Variants in MARCHF3 observed in about 807,000 individuals in gnomAD.
MARCHF3 encodes E3 ubiquitin-protein ligase MARCHF3.
A neutral mutation model predicts 24.2 loss-of-function variants in MARCHF3; 13 were observed. The ratio of observed to expected loss-of-function variants is 0.54; its 90% CI spans 0.35 to 0.85. The LOEUF is 0.85. Among genes scored for constraint, MARCHF3 ranks in the 40% least tolerant of loss-of-function variants. The pLI is 0.01. For missense variants in MARCHF3, 276 were observed against 325.0 expected (o/e 0.85, Z 1.16); for synonymous variants, 144 against 137.3 (o/e 1.05, Z -0.34).
In MARCHF3 at chr5:126,868,956, T is replaced by C. The variant is rs954695632; in HGVS notation, c.*1677A>G. 6.6e-6 allele frequency: 1 copy of C among 152,312 alleles called. No individual in the cohort carries two copies. Among genetic ancestry groups the C allele is most frequent in the African/African-American group, 2.4e-5 (1 of 41,462 alleles). 9.4% of individuals were successfully genotyped at this position (152,312 alleles called of 1,614,324 possible). ...TAAACAGAAGGGCTGAGACATATATTACTGGAATTGAAGTGTCCCAGTGAA... is the reference window on the plus strand; with the variant it reads ...TAAACAGAAGGGCTGAGACATATATCACTGGAATTGAAGTGTCCCAGTGAA... On this transcript the variant is annotated 3_prime_UTR_variant, in exon 5 of 5. Transcript: ENST00000308660.
At chr5:126,997,292 G>T (rs984024732) in intron 1 of MARCHF3, among the ~76,000 whole-genome samples, 2 of 152,200 alleles carry the variant, frequency 1.3e-5, no homozygotes, top group African/African-American at 4.8e-5. Context: ...GATATGATGT[G>T]AATGCATGGG....
At chr5:126,894,623 T>C (rs1365433355) in intron 3 of MARCHF3, among the ~76,000 whole-genome samples, 5 of 152,018 alleles carry the variant, frequency 3.3e-5, no homozygotes, top group African/African-American at 1.2e-4. Context: ...GCCCCCACTC[T>C]CTTCTGGCTT....
chr5:126,893,095 C>G (rs1753753818), intron 3 of MARCHF3, among the ~76,000 whole-genome samples: 1 of 151,890 alleles, frequency 6.6e-6, no homozygotes, highest in African/African-American at 2.4e-5. Flanking sequence ...TTGTAGTATT[C>G]TCTGATGGTA....
chr5:126,886,151 G>A (rs1327045326), intron 3 of MARCHF3, among the ~76,000 whole-genome samples: 1 of 152,068 alleles, frequency 6.6e-6, no homozygotes, highest in Non-Finnish European at 1.5e-5. Context: ...TACTGAATTT[G>A]GAACACCAGG....
chr5:126,965,789 TA>T (rs1246158520), intron 1 of MARCHF3, among the ~76,000 whole-genome samples: 1 of 152,196 alleles, frequency 6.6e-6, no homozygotes, highest in African/African-American at 2.4e-5. Flanking sequence ...AGTGGAAGTA[TA>T]AAATGGTGCA....
chr5:126,922,552 A>ATTTATTTATTTATTAT (rs369285219), intron 1 of MARCHF3, among the ~76,000 whole-genome samples: 1 of 111,042 alleles, frequency 9.0e-6, no homozygotes, highest in East Asian at 3.0e-4. Context: ...TTATTTATTT[A>ATTTATTTATTTATTAT]TTATTTATTT....
intron 1 of MARCHF3, among the ~76,000 whole-genome samples, chr5:126,947,871 G>A (rs531615767): frequency 2.0e-5 from 3 of 151,676 alleles, no homozygotes; most frequent in South Asian, 2.1e-4. Flanking sequence ...TGCCTCCCAC[G>A]TGGGTTTGGG....
chr5:126,957,471 AT>A (rs1340572536), intron 1 of MARCHF3, among the ~76,000 whole-genome samples: 4 of 152,114 alleles, frequency 2.6e-5, no homozygotes, highest in Non-Finnish European at 5.9e-5. Flanking sequence ...TAGCTTTATG[AT>A]TTCATAAAAC....
At chr5:126,959,053 C>T (rs1368355385) in intron 1 of MARCHF3, among the ~76,000 whole-genome samples, 4 of 152,124 alleles carry the variant, frequency 2.6e-5, no homozygotes, top group Non-Finnish European at 5.9e-5. Context: ...TGGACACTGA[C>T]CAACACTGAC....
intron 1 of MARCHF3, among the ~76,000 whole-genome samples, chr5:126,941,981 A>G (rs570314338): frequency 6.6e-6 from 1 of 152,324 alleles, no homozygotes; most frequent in South Asian, 2.1e-4. Context: ...CAAGGTTGCA[A>G]TCTTCCTGCT....
intron 1 of MARCHF3, among the ~76,000 whole-genome samples, chr5:126,981,063 T>C (rs928977734): frequency 1.3e-5 from 2 of 152,348 alleles, no homozygotes; most frequent in Non-Finnish European, 1.5e-5. Flanking sequence ...ACTTCAGCTT[T>C]CTTCAAACTG....
intron 1 of MARCHF3, among the ~76,000 whole-genome samples, chr5:126,987,516 C>A (rs766255899): frequency 6.6e-6 from 1 of 152,194 alleles, no homozygotes; most frequent in South Asian, 2.1e-4. Flanking sequence ...CCAGCCCCCA[C>A]GACTGCGTGA....
intron 3 of MARCHF3, among the ~76,000 whole-genome samples, chr5:126,909,808 G>T (rs1754453838): frequency 6.6e-6 from 1 of 152,098 alleles, no homozygotes; most frequent in Admixed American, 6.5e-5. Context: ...GACCGGAGCT[G>T]TTCCTATTCT....
chr5:126,974,202 A>G (rs1751118464), intron 1 of MARCHF3, among the ~76,000 whole-genome samples: 1 of 152,110 alleles, frequency 6.6e-6, no homozygotes, highest in Non-Finnish European at 1.5e-5. Context: ...CGGCCGCAAA[A>G]TCTATTTTTT....
rs547122284 is a variant in MARCHF3 at position 126,967,441 on chromosome 5, C to T, written c.-56-49214G>A. On this transcript the variant is annotated intron_variant, in intron 1 of 4. Transcript: ENST00000308660. Reference sequence around the variant, plus strand: ...GGTGCGGTGGCTCAAGCCTGTAATCCCAGCACTTTGAGAGGCCGAGGCAGG... The same window carrying T: ...GGTGCGGTGGCTCAAGCCTGTAATCTCAGCACTTTGAGAGGCCGAGGCAGG... Among the ~76,000 whole-genome samples, 13 of 152,232 alleles carry T rather than the reference C, an allele frequency of 8.5e-5. No homozygotes were observed. In the East Asian group the frequency reaches 2.3e-3, roughly 27 times the overall value.
intron 1 of MARCHF3, among the ~76,000 whole-genome samples, chr5:126,956,436 C>T (rs376237155): frequency 7.2e-5 from 11 of 151,726 alleles, no homozygotes; most frequent in Non-Finnish European, 1.0e-4. Context: ...CCCAGGAGTT[C>T]GAGACCAGCC....
In MARCHF3 at chr5:126,876,851, T is replaced by C. The variant is rs146815875; in HGVS notation, c.603+1334A>G. Among the ~76,000 whole-genome samples, 822 of 152,308 alleles carry C rather than the reference T, an allele frequency of 5.4e-3. 5 individuals are homozygous for C. Among genetic ancestry groups the C allele is most frequent in the East Asian group, 0.025 (131 of 5,174 alleles). ...TTTTAGTAGAGACAGGGTTTCGCCA[T>C]GTTGGCCAGGCTGGTCTCGAACTTC... On this transcript the variant is annotated intron_variant, in intron 4 of 4. Transcript: ENST00000308660.
chr5:126,969,760 C>T (rs532030335), intron 1 of MARCHF3, among the ~76,000 whole-genome samples: 48 of 152,276 alleles, frequency 3.2e-4, no homozygotes, highest in African/African-American at 1.1e-3. Context: ...GATTCCTGAC[C>T]CCCATCTGCA....
chr5:126,925,349 T>C (rs1561431041), intron 1 of MARCHF3, among the ~76,000 whole-genome samples: 1 of 152,208 alleles, frequency 6.6e-6, no homozygotes, highest in Non-Finnish European at 1.5e-5. Flanking sequence ...ATCCACATGA[T>C]TAATTCTGAT....
Sources: gnomAD v4.1 joint callset for allele counts (sites outside exome capture counted in the v4.1 genomes callset) on GRCh38, gnomAD v4.1.1 for gene constraint, MANE v1.5 for transcripts, NCBI Gene and HGNC (gene_info 2026-07-23, HGNC 2026-07-21) for gene names.